The following RASGRF2 variants were observed in gnomAD, a reference collection of about 807,000 sequenced individuals.
RASGRF2 encodes the protein ras-specific guanine nucleotide-releasing factor 2.
RASGRF2 carries 76 observed loss-of-function variants against 151.0 expected under a neutral mutation model. That is an observed-to-expected ratio of 0.50 (90% CI 0.42 to 0.61). The LOEUF (loss-of-function observed/expected upper bound fraction) is 0.61. Ranked by LOEUF, RASGRF2 falls within the 20% of genes least tolerant of loss-of-function variation. The probability of loss-of-function intolerance (pLI) is 0.00; values close to 1 mark genes in which losing one functional copy is unlikely to be tolerated. For synonymous variants in RASGRF2, 504 were observed against 566.5 expected (o/e 0.89, Z 1.57); for missense variants, 1,148 against 1,564.6 (o/e 0.73, Z 4.49).
intron 1 of RASGRF2, among the ~76,000 whole-genome samples, chr5:81,006,086 ATATT>A (rs1372948190): frequency 1.3e-5 from 2 of 152,258 alleles, no homozygotes; most frequent in Admixed American, 6.5e-5. Flanking sequence ...TTGGACTTTA[ATATT>A]TATTTATTTA....
At chr5:81,067,895 A>T in intron 2 of RASGRF2, 137 bp from the exon 3 acceptor site, 1 of 650,198 alleles carries the variant, frequency 1.5e-6, no homozygotes, top group Non-Finnish European at 2.3e-6. Context: ...GCTGAAAGTT[A>T]ACATTTATGT....
chr5:81,138,369 T>C (rs1455888821), intron 17 of RASGRF2, among the ~76,000 whole-genome samples: 1 of 152,128 alleles, frequency 6.6e-6, no homozygotes, highest in African/African-American at 2.4e-5. Context: ...TCCCCGTAGC[T>C]AAGAAGAAGG....
At chr5:81,004,943 T>C (rs2112299628) in intron 1 of RASGRF2, among the ~76,000 whole-genome samples, 1 of 152,294 alleles carries the variant, frequency 6.6e-6, no homozygotes, top group African/African-American at 2.4e-5. Flanking sequence ...GCTGCACCTG[T>C]CACCATACTG....
intron 1 of RASGRF2, among the ~76,000 whole-genome samples, chr5:81,015,840 A>C (rs1212943147): frequency 6.6e-6 from 1 of 152,198 alleles, no homozygotes; most frequent in Non-Finnish European, 1.5e-5. Flanking sequence ...CAAAAAATGA[A>C]ACAATGTTTT....
chr5:81,073,818 C>T (rs898150225), intron 5 of RASGRF2, among the ~76,000 whole-genome samples: 4 of 152,052 alleles, frequency 2.6e-5, no homozygotes, highest in Admixed American at 1.3e-4. Flanking sequence ...GGGGTTTCAC[C>T]GTGTTAGACA....
chr5:81,053,653 A>G (rs552666697), intron 2 of RASGRF2, among the ~76,000 whole-genome samples: 3 of 152,266 alleles, frequency 2.0e-5, no homozygotes, highest in South Asian at 2.1e-4. Flanking sequence ...TAATGGGATG[A>G]CTAGGTCAAA....
intron 2 of RASGRF2, among the ~76,000 whole-genome samples, chr5:81,066,911 G>C (rs1751624334): frequency 6.6e-6 from 1 of 152,190 alleles, no homozygotes; most frequent in African/African-American, 2.4e-5. Context: ...CCAAAGAGGA[G>C]GTAAGTGTGT....
chr5:81,194,576 T>A (rs1318705014), intron 18 of RASGRF2, among the ~76,000 whole-genome samples: 1 of 152,214 alleles, frequency 6.6e-6, no homozygotes. Context: ...GACTCTGGCA[T>A]CATCGGTGGA....
At chr5:81,059,775 C>T (rs1167464753) in intron 2 of RASGRF2, among the ~76,000 whole-genome samples, 2 of 151,878 alleles carry the variant, frequency 1.3e-5, no homozygotes, top group Non-Finnish European at 2.9e-5. Context: ...ACCCAGGAGG[C>T]GGAGGTTGCA....
At chr5:80,998,396 A>T (rs1023597308) in intron 1 of RASGRF2, among the ~76,000 whole-genome samples, 2 of 152,140 alleles carry the variant, frequency 1.3e-5, no homozygotes, top group Non-Finnish European at 2.9e-5. Context: ...TTAAATGATC[A>T]TCTGGGCTTT....
intron 8 of RASGRF2, 88 bp downstream of exon 8, chr5:81,085,999 C>T: frequency 1.9e-6 from 3 of 1,541,262 alleles, no homozygotes; most frequent in Admixed American, 2.0e-5. Context: ...TTCTAAGGAA[C>T]AAGAAGCAAA....
chr5:81,216,753 C>T (rs761381800), intron 24 of RASGRF2, among the ~76,000 whole-genome samples: 15 of 152,338 alleles, frequency 9.8e-5, no homozygotes, highest in Admixed American at 2.6e-4. Flanking sequence ...AACCCAGCTC[C>T]TCCCGCATCA....
chr5:80,997,282 T>C (rs1363281804), intron 1 of RASGRF2: 1 of 152,228 alleles, frequency 6.6e-6, no homozygotes, highest in Non-Finnish European at 1.5e-5. Context: ...CCATGGATGC[T>C]GCAAATTAGA....
In RASGRF2 at chr5:81,094,963, A is replaced by T; in HGVS notation, c.1726A>T (p.Lys576Ter). 6.3e-7 allele frequency: 1 copy of T among 1,576,862 alleles called. No homozygotes were observed. Among genetic ancestry groups the T allele is most frequent in the Non-Finnish European group, 8.6e-7 (1 of 1,161,384 alleles). The part of the protein sequence containing the change: ...VVLLAPSRQE[K>*]AAWMSDISQC... Reference sequence around the variant, plus strand: ...CTTGTTAGCACCCTCACGCCAGGAGAAAGCTGCCTGGATGAGTGACATCAG... The same window carrying T: ...CTTGTTAGCACCCTCACGCCAGGAGTAAGCTGCCTGGATGAGTGACATCAG... The change falls in exon 12 of 27, where the codon AAA becomes TAA. Residue 576 changes from lysine (K) to a stop codon, truncating the protein, a stop_gained. Transcript: ENST00000265080. LOFTEE classifies it high-confidence loss of function.
At chr5:81,087,162 G>A (rs780363422) in intron 9 of RASGRF2, 54 of 702,808 alleles carry the variant, frequency 7.7e-5, no homozygotes, top group South Asian at 7.7e-4. Context: ...TCATAGTAAA[G>A]CACGAGTGGG....
At chr5:80,984,843 G>A (rs2112247131) in intron 1 of RASGRF2, among the ~76,000 whole-genome samples, 1 of 152,294 alleles carries the variant, frequency 6.6e-6, no homozygotes, top group South Asian at 2.1e-4. Context: ...TGTAAATGAT[G>A]GTAATGAGTT....
intron 17 of RASGRF2, among the ~76,000 whole-genome samples, chr5:81,127,535 C>T (rs1753491635): frequency 6.6e-6 from 1 of 151,516 alleles, no homozygotes; most frequent in Non-Finnish European, 1.5e-5. Flanking sequence ...CAAAACAAAA[C>T]AAAATAAAAT....
chr5:81,044,416 T>A (rs1750771612), intron 2 of RASGRF2, among the ~76,000 whole-genome samples: 2 of 150,984 alleles, frequency 1.3e-5, no homozygotes, highest in Admixed American at 1.3e-4. Flanking sequence ...AGACTCCATC[T>A]AAAAAAAAAC....
At position 81,206,805 on chromosome 5, in the gene RASGRF2, A is replaced by AT. The variant is rs752989997; in HGVS notation, c.2907-34dup. ...TTGTAGTTTTGTTCCTAGGTTGTCT[A>AT]TTTTTTCTTTCATGGAGGATAATTT... On this transcript the variant is annotated intron_variant, in intron 19 of 26. Coordinates refer to ENST00000265080, the MANE Select transcript of RASGRF2 (RefSeq NM_006909.3). 1.2e-5 allele frequency: 18 copies of AT among 1,551,850 alleles called. No individual in the cohort carries two copies. In the East Asian group the frequency reaches 2.9e-4, roughly 25 times the overall value.
Sources: allele counts gnomAD v4.1 joint callset (sites outside exome capture counted in the v4.1 genomes callset), GRCh38; gene constraint gnomAD v4.1.1; transcripts MANE v1.5; gene names NCBI Gene and HGNC (gene_info 2026-07-23, HGNC 2026-07-21).